Variants in FKBP5 observed in about 807,000 individuals in gnomAD.
The protein encoded by FKBP5 is peptidyl-prolyl cis-trans isomerase FKBP5.
FKBP5 carries 23 observed loss-of-function variants against 50.5 expected under a neutral mutation model. The ratio of observed to expected loss-of-function variants is 0.46; its 90% CI spans 0.33 to 0.65. The LOEUF (loss-of-function observed/expected upper bound fraction) is 0.65, where lower values mean the gene tolerates loss of function less well. Ranked by LOEUF, FKBP5 falls within the 30% of genes least tolerant of loss-of-function variation. FKBP5 has a pLI of 0.02. For synonymous variants in FKBP5, 176 were observed against 190.6 expected (o/e 0.92, Z 0.63); for missense variants, 411 against 553.1 (o/e 0.74, Z 2.58).
chr6:35,616,278 A>G (rs4401662), intron 5 of FKBP5, among the ~76,000 whole-genome samples: 119,515 of 145,384 alleles, frequency 0.82, 49,276 homozygotes, highest in African/African-American at 0.84. Flanking sequence ...TAGCATCACT[A>G]CACTCTAGCC....
Position 35,575,729 on chromosome 6 carries a change from T to C in FKBP5, c.*106A>G, listed in dbSNP as rs896825918. The C allele has an allele frequency of 9.7e-6, 8 of 826,794 alleles. No individual in the cohort carries two copies. The highest frequency in any genetic ancestry group is 3.4e-5 in the African/African-American group (2 of 59,230). The allele number at this position is 826,794 out of a possible 1,614,324, so 51.2% of individuals were successfully genotyped here. ...TTTGCCATTTGCTTCCAGAATCACA[T>C]AGACTATAACAAACTTTACATTAAA... On this transcript the variant is annotated 3_prime_UTR_variant, in exon 11 of 11. Transcript: ENST00000357266.
At chr6:35,585,411 C>T in intron 8 of FKBP5, 1 of 984,352 alleles carries the variant, frequency 1.0e-6, no homozygotes, top group Non-Finnish European at 1.2e-6. Context: ...AAAAATAACA[C>T]TTGTTCTTGA....
chr6:35,687,867 C>A (rs928072941), intron 1 of FKBP5, among the ~76,000 whole-genome samples: 1 of 152,226 alleles, frequency 6.6e-6, no homozygotes, highest in Non-Finnish European at 1.5e-5. Context: ...ATTTTAGAGA[C>A]TACGATGGTC....
intron 1 of FKBP5, among the ~76,000 whole-genome samples, chr6:35,667,600 G>C (rs374216926): frequency 6.6e-6 from 1 of 152,208 alleles, no homozygotes; most frequent in East Asian, 1.9e-4. Context: ...AACCTAGTTG[G>C]CTGGGTGCAG....
chr6:35,625,663 G>A (rs1460553851), intron 3 of FKBP5, among the ~76,000 whole-genome samples: 2 of 149,744 alleles, frequency 1.3e-5, no homozygotes, highest in African/African-American at 4.9e-5. Context: ...GTGAACCCGG[G>A]AGGCGGAGCT....
At chr6:35,617,369 G>C (rs149781089) in intron 5 of FKBP5, among the ~76,000 whole-genome samples, 230 of 151,876 alleles carry the variant, frequency 1.5e-3, no homozygotes, top group African/African-American at 5.2e-3. Context: ...CTAGGCTAGA[G>C]TGCACTGGCT....
At chr6:35,710,428 C>T (rs1005562248) in intron 2 of FKBP5, among the ~76,000 whole-genome samples, 1 of 151,576 alleles carries the variant, frequency 6.6e-6, no homozygotes, top group Admixed American at 6.6e-5. Context: ...GATTGCACAA[C>T]TACACTCCAA....
At chr6:35,686,473 A>G (rs1020313176) in intron 1 of FKBP5, among the ~76,000 whole-genome samples, 24 of 152,256 alleles carry the variant, frequency 1.6e-4, no homozygotes, top group Non-Finnish European at 1.3e-4. Context: ...CTAATTATTA[A>G]TAGTATTTTA....
intron 5 of FKBP5, among the ~76,000 whole-genome samples, chr6:35,617,680 C>A (rs1166026234): frequency 6.6e-6 from 1 of 152,176 alleles, no homozygotes. Flanking sequence ...TTACTGAACA[C>A]CAAATGTGTG....
At chr6:35,577,255 T>G (rs762696275) in intron 9 of FKBP5, 22 bp from the exon 10 acceptor site, 1 of 1,527,772 alleles carries the variant, frequency 6.5e-7, no homozygotes, top group Non-Finnish European at 8.8e-7. Flanking sequence ...TGGTCTATAT[T>G]TTAGAAAGGA....
At chr6:35,715,362 G>C (rs1766493487) in intron 2 of FKBP5, among the ~76,000 whole-genome samples, 1 of 152,206 alleles carries the variant, frequency 6.6e-6, no homozygotes, top group Admixed American at 6.5e-5. Context: ...AGAAGATGGA[G>C]ATGATAATGA....
At chr6:35,581,754 A>G in intron 8 of FKBP5, 1 of 985,386 alleles carries the variant, frequency 1.0e-6, no homozygotes. Context: ...GATAAGCTCA[A>G]AACCACAGAT....
chr6:35,702,850 A>G (rs1766215289), intron 2 of FKBP5, among the ~76,000 whole-genome samples: 1 of 152,226 alleles, frequency 6.6e-6, no homozygotes, highest in African/African-American at 2.4e-5. Flanking sequence ...ATTAGAACAC[A>G]TAGAAAATCT....
rs557956834 is a variant in FKBP5 at position 35,671,278 on chromosome 6, A to T, written c.-20+17526T>A. ...AATCCTGTCTCAAAAAAAAAAAAAA[A>T]TAATAAATAAATAAACAAAAACAAG... On this transcript the variant is annotated intron_variant, in intron 1 of 10. Coordinates refer to ENST00000357266, the MANE Select transcript of FKBP5 (RefSeq NM_004117.4). Among the ~76,000 whole-genome samples, 78 of 151,394 alleles carry T rather than the reference A, an allele frequency of 5.2e-4. No individual in the cohort carries two copies. In the East Asian group the frequency reaches 6.4e-3, roughly 12 times the overall value.
intron 1 of FKBP5, among the ~76,000 whole-genome samples, chr6:35,678,328 G>C (rs1201699128): frequency 1.3e-5 from 2 of 152,088 alleles, no homozygotes; most frequent in Admixed American, 6.6e-5. Context: ...CGAATATTTA[G>C]ACCTCAAGTT....
intron 3 of FKBP5, among the ~76,000 whole-genome samples, chr6:35,628,179 C>T (rs772384043): frequency 9.9e-5 from 15 of 151,816 alleles, no homozygotes; most frequent in Admixed American, 4.6e-4. Flanking sequence ...AGATAAGGAC[C>T]CAATTTCATT....
chr6:35,715,794 G>A (rs1330844977), intron 2 of FKBP5, among the ~76,000 whole-genome samples: 1 of 152,240 alleles, frequency 6.6e-6, no homozygotes, highest in East Asian at 1.9e-4. Flanking sequence ...TTACAGATGA[G>A]CCGTGTGTTT....
chr6:35,603,820 C>T (rs944801930), intron 5 of FKBP5, among the ~76,000 whole-genome samples: 46 of 152,040 alleles, frequency 3.0e-4, no homozygotes, highest in Admixed American at 2.9e-3. Context: ...CTTCTTGTGC[C>T]TCAGACTCCC....
chr6:35,682,995 AATGT>A (rs759089187), intron 1 of FKBP5, among the ~76,000 whole-genome samples: 7 of 151,496 alleles, frequency 4.6e-5, no homozygotes, highest in East Asian at 1.9e-4. Context: ...ATCTCTTTAA[AATGT>A]ATGTATGTGT....
Sources: gnomAD v4.1 joint callset for allele counts (sites outside exome capture counted in the v4.1 genomes callset) on GRCh38, gnomAD v4.1.1 for gene constraint, MANE v1.5 for transcripts, NCBI Gene and HGNC (gene_info 2026-07-23, HGNC 2026-07-21) for gene names.